Variants in FGFR2 observed in about 807,000 individuals in gnomAD.
FGFR2 encodes fibroblast growth factor receptor 2, also known as BEK fibroblast growth factor receptor.
In FGFR2, 19 loss-of-function variants were observed where a neutral mutation model predicts 95.9. That is an observed-to-expected ratio of 0.20 (90% CI 0.14 to 0.29). The LOEUF is 0.29. Among genes scored for constraint, FGFR2 ranks in the 10% least tolerant of loss-of-function variants. The probability of loss-of-function intolerance (pLI) is 1.00; values close to 1 mark genes in which losing one functional copy is unlikely to be tolerated. For missense variants in FGFR2, 707 were observed against 1,056.9 expected, an observed-to-expected ratio of 0.67 and a Z score of 4.59; for synonymous variants, 392 against 393.3, an observed-to-expected ratio of 1.00 and a Z score of 0.04.
At chr10:121,566,014 G>A (rs979216540) in intron 2 of FGFR2, 6 of 474,224 alleles carry the variant, frequency 1.3e-5, no homozygotes, top group Admixed American at 6.7e-5. Flanking sequence ...TTGCCAAAGC[G>A]TGCTTGCACT....
chr10:121,590,967 G>C (rs1564749704), intron 2 of FGFR2, among the ~76,000 whole-genome samples: 1 of 151,850 alleles, frequency 6.6e-6, no homozygotes, highest in Non-Finnish European at 1.5e-5. Context: ...GCACAGGCAC[G>C]CACGCACGCA....
At chr10:121,509,100 C>T (rs1446829842) in intron 9 of FGFR2, among the ~76,000 whole-genome samples, 1 of 152,202 alleles carries the variant, frequency 6.6e-6, no homozygotes, top group Admixed American at 6.5e-5. Flanking sequence ...TTTTCTTTTG[C>T]ACAAAATCAT....
intron 6 of FGFR2, among the ~76,000 whole-genome samples, chr10:121,523,709 A>ATG (rs938310837): frequency 6.6e-6 from 1 of 152,140 alleles, no homozygotes; most frequent in Non-Finnish European, 1.5e-5. Context: ...TTGTACATGC[A>ATG]TGTGTGTGTG....
chr10:121,514,915 G>C (rs575911888), intron 9 of FGFR2, among the ~76,000 whole-genome samples: 2 of 152,208 alleles, frequency 1.3e-5, no homozygotes, highest in African/African-American at 4.8e-5. Context: ...CCTTGGAACT[G>C]GACCCCATTG....
chr10:121,518,091 A>G lies in FGFR2; in HGVS notation c.940-628T>C, dbSNP rs371740481. 208 of 486,430 alleles carry G rather than the reference A, an allele frequency of 4.3e-4. No homozygotes were observed. Among genetic ancestry groups the G allele is most frequent in the African/African-American group, 3.9e-3 (195 of 50,410 alleles). 30.1% of individuals were successfully genotyped at this position (486,430 alleles called of 1,614,324 possible). A position where few individuals can be genotyped will look rare whatever the true frequency, so the allele number is the denominator to read the frequency against. ...GGGCTTTTTCTCTTTTCATTAATAAACATTTGGATGTGAGTCATGACAAAC... is the reference window on the plus strand; with the variant it reads ...GGGCTTTTTCTCTTTTCATTAATAAGCATTTGGATGTGAGTCATGACAAAC... On this transcript the variant is annotated intron_variant, in intron 7 of 17. Coordinates refer to ENST00000358487, the MANE Select transcript of FGFR2 (RefSeq NM_000141.5). This position sits in a 1 kb window ranked among gnomAD's most constrained non-coding sequence, Gnocchi z 4.0.
chr10:121,540,930 G>A (rs1345210793), intron 5 of FGFR2, among the ~76,000 whole-genome samples: 2 of 152,156 alleles, frequency 1.3e-5, no homozygotes, highest in East Asian at 3.9e-4. Context: ...AGGGGACATC[G>A]CCTGACTCGG....
chr10:121,504,025 C>T, intron 9 of FGFR2, 84 bp from the exon 10 acceptor site: 5 of 1,534,674 alleles, frequency 3.3e-6, no homozygotes, highest in East Asian at 2.3e-5. Flanking sequence ...GCCAGAGTAT[C>T]GAATCTTAGA....
intron 2 of FGFR2, among the ~76,000 whole-genome samples, chr10:121,566,577 C>G (rs41302291): frequency 4.5e-4 from 69 of 152,276 alleles, no homozygotes; most frequent in African/African-American, 1.5e-3. Flanking sequence ...CATCCACCCT[C>G]CAAGACCCAA....
rs144116729 is a variant in FGFR2 at position 121,500,946 on chromosome 10, G to A, written c.1441C>T (p.Leu481=). ...TCTCCCAGGGGCTTGCCCAGTGTCA[G>A]CCTAAATGTGTAAATAGGGGATTAG... The part of the protein sequence containing the change: ...DPKWEFPRDK[L]TLGKPLGEGC... The change falls in exon 11 of 18, where the codon CTG becomes TTG. Residue 481 remains leucine (L), a splice_region_variant and synonymous_variant. Coordinates refer to ENST00000358487, the MANE Select transcript of FGFR2 (RefSeq NM_000141.5). 42 of 1,613,950 alleles carry A rather than the reference G, an allele frequency of 2.6e-5. No homozygotes were observed. The East Asian group carries it at 5.8e-4, about 22-fold the overall frequency.
At position 121,567,558 on chromosome 10, in the gene FGFR2, T is replaced by C. The variant is rs3135727; in HGVS notation, c.110-1854A>G. On this transcript the variant is annotated intron_variant, in intron 2 of 17. Coordinates refer to ENST00000358487, the MANE Select transcript of FGFR2 (RefSeq NM_000141.5). The stretch of plus-strand genomic sequence containing the variant: ...GACCCTGCACTTGTGGAGCGTCCAT[T>C]ATGGTGGGGGTGACAGACGATAGAT... 6.2e-3 allele frequency among the ~76,000 whole-genome samples: 937 copies of C among 152,290 alleles called. 3 individuals carry two copies. The highest frequency in any genetic ancestry group is 8.8e-3 in the Non-Finnish European group (601 of 68,024).
At chr10:121,480,207 G>C in intron 17 of FGFR2, 186 bp from the exon 18 acceptor site, 1 of 755,978 alleles carries the variant, frequency 1.3e-6, no homozygotes. Flanking sequence ...CCTAGAAGGT[G>C]AACAGAGACC....
At chr10:121,560,661 A>G (rs1856830576) in intron 4 of FGFR2, among the ~76,000 whole-genome samples, 1 of 146,518 alleles carries the variant, frequency 6.8e-6, no homozygotes, top group Non-Finnish European at 1.5e-5. Flanking sequence ...GACATGCTCC[A>G]CTTATCAGTG....
At chr10:121,489,671 T>C (rs1845879383) in intron 13 of FGFR2, among the ~76,000 whole-genome samples, 1 of 152,180 alleles carries the variant, frequency 6.6e-6, no homozygotes, top group Non-Finnish European at 1.5e-5. Context: ...AGGTTTCAAC[T>C]CCTCCAATGC....
At chr10:121,504,778 G>C (rs1197408894) in intron 9 of FGFR2, among the ~76,000 whole-genome samples, 1 of 152,040 alleles carries the variant, frequency 6.6e-6, no homozygotes, top group Non-Finnish European at 1.5e-5. Flanking sequence ...CAGTGTGTCT[G>C]ATAAAATGAT....
At chr10:121,543,373 G>A (rs1004252004) in intron 5 of FGFR2, among the ~76,000 whole-genome samples, 7 of 152,110 alleles carry the variant, frequency 4.6e-5, no homozygotes, top group African/African-American at 1.7e-4. Context: ...AGTCAGGCAT[G>A]GTAGCAGGTG....
chr10:121,597,522 T>A (rs1863625242), intron 1 of FGFR2, among the ~76,000 whole-genome samples: 1 of 152,156 alleles, frequency 6.6e-6, no homozygotes, highest in Admixed American at 6.5e-5. Flanking sequence ...AAAAGGGGTC[T>A]CCGCAGGGCC....
chr10:121,585,431 G>T (rs1365310418), intron 2 of FGFR2, among the ~76,000 whole-genome samples: 1 of 152,228 alleles, frequency 6.6e-6, no homozygotes, highest in African/African-American at 2.4e-5. Flanking sequence ...GACAGGAAGT[G>T]GGACAGGGAA....
chr10:121,512,906 G>A (rs1476080951), intron 9 of FGFR2, among the ~76,000 whole-genome samples: 2 of 152,034 alleles, frequency 1.3e-5, no homozygotes, highest in Non-Finnish European at 2.9e-5. Context: ...TTTTACTCTT[G>A]TTGCCCAGGC....
intron 6 of FGFR2, among the ~76,000 whole-genome samples, chr10:121,537,360 T>C (rs1243073157): frequency 2.0e-5 from 3 of 152,386 alleles, no homozygotes; most frequent in East Asian, 1.9e-4. Context: ...TCCATTTAAC[T>C]TGACAGAAAA....
Sources: gnomAD v4.1 joint callset for allele counts (sites outside exome capture counted in the v4.1 genomes callset) on GRCh38, gnomAD v4.1.1 for gene constraint, Gnocchi (gnomAD v3.1) non-coding constraint, MANE v1.5 for transcripts, NCBI Gene and HGNC (gene_info 2026-07-23, HGNC 2026-07-21) for gene names.